GRM8: variants seen among roughly 807,000 people sequenced by gnomAD.
GRM8 encodes the protein glutamate metabotropic receptor 8, also known as metabotropic glutamate receptor 8.
A neutral mutation model predicts 87.2 loss-of-function variants in GRM8; 47 were observed. The ratio of observed to expected loss-of-function variants is 0.54; its 90% CI spans 0.43 to 0.69. The LOEUF is 0.69. GRM8 is among the 30% of genes least tolerant of loss of function. The probability of loss-of-function intolerance (pLI) is 0.00; values close to 1 mark genes in which losing one functional copy is unlikely to be tolerated. For synonymous variants in GRM8, 396 were observed against 404.5 expected, an observed-to-expected ratio of 0.98 and a Z score of 0.25; for missense variants, 1,019 against 1,139.2, an observed-to-expected ratio of 0.89 and a Z score of 1.52.
intron 2 of GRM8, among the ~76,000 whole-genome samples, chr7:127,203,291 A>G: frequency 6.6e-6 from 1 of 152,212 alleles, no homozygotes; most frequent in East Asian, 1.9e-4. Context: ...GGGTGCAGGC[A>G]TAGGGCTGAA....
chr7:127,097,986 C>G (rs1000732581), intron 3 of GRM8, among the ~76,000 whole-genome samples: 1 of 152,198 alleles, frequency 6.6e-6, no homozygotes, highest in Non-Finnish European at 1.5e-5. Flanking sequence ...GGGTGAAGAA[C>G]AGCTTTGAAA....
intron 3 of GRM8, among the ~76,000 whole-genome samples, chr7:127,057,809 C>CAAAA (rs199901156): frequency 7.1e-6 from 1 of 141,404 alleles, no homozygotes; most frequent in Non-Finnish European, 1.6e-5. Flanking sequence ...TCATATCCCA[C>CAAAA]AAAAAAAAAA....
intron 6 of GRM8, among the ~76,000 whole-genome samples, chr7:126,776,336 G>T (rs1819467872): frequency 6.6e-6 from 1 of 152,048 alleles, no homozygotes. Flanking sequence ...GATTAAATAT[G>T]GCAGTAAATG....
chr7:126,895,025 C>T (rs1244419284), intron 6 of GRM8, among the ~76,000 whole-genome samples: 1 of 152,038 alleles, frequency 6.6e-6, no homozygotes, highest in Non-Finnish European at 1.5e-5. Flanking sequence ...GCTTTGCAGA[C>T]TTTGAAGATA....
chr7:127,101,140 A>G (rs898746532), intron 3 of GRM8, among the ~76,000 whole-genome samples: 11 of 152,106 alleles, frequency 7.2e-5, no homozygotes, highest in Non-Finnish European at 1.5e-4. Flanking sequence ...CATACCCTCA[A>G]GCTCTGTGTC....
chr7:126,863,546 A>G (rs923846483), intron 6 of GRM8, among the ~76,000 whole-genome samples: 5 of 152,208 alleles, frequency 3.3e-5, no homozygotes, highest in Admixed American at 2.6e-4. Context: ...TGCTAAGACA[A>G]GCTTAGTCAA....
rs550378317 is a variant in GRM8 at position 127,252,856 on chromosome 7, G to GCGCCGCCGC, written c.-380_-372dup. On this transcript the variant is annotated 5_prime_UTR_variant, in exon 1 of 11. Transcript: ENST00000339582. This position sits in a 1 kb window ranked among gnomAD's most constrained non-coding sequence, Gnocchi z 4.9. ...GCCGGGGGCCCGCAGCTCCATGTCA[G>GCGCCGCCGC]CGCCGCCGCCGCCGCCGCCGCCGCC... The GCGCCGCCGC allele has an allele frequency of 1.8e-4, 39 of 218,132 alleles. 1 individual carries two copies. The highest frequency in any genetic ancestry group is 3.3e-4 in the East Asian group (2 of 6,144). 13.5% of individuals were successfully genotyped at this position (218,132 alleles called of 1,614,324 possible).
rs749405269 is a variant in GRM8, at chr7:127,242,835, T to C, written c.370A>G (p.Ile124Val). Reference protein sequence around the residue: ...EQSLTFVQALIEKDASDVKCA... With the variant: ...EQSLTFVQALVEKDASDVKCA... ...TTCACATCCGAAGCATCTTTCTCTA[T>C]TAATGCCTGCACGAATGTTAGAGAC... Residue 124 changes from isoleucine to valine, a missense_variant, in exon 2 of 11, where the codon ATA becomes GTA. Physicochemically the swap from Ile to Val is conservative, Grantham distance 29. Transcript: ENST00000339582. 53 of 1,614,064 alleles carry C rather than the reference T, an allele frequency of 3.3e-5. No individual in the cohort carries two copies. In the Middle Eastern group the frequency reaches 1.8e-3, roughly 55 times the overall value.
intron 6 of GRM8, among the ~76,000 whole-genome samples, chr7:126,886,325 A>C (rs1361482399): frequency 3.3e-5 from 5 of 152,130 alleles, no homozygotes; most frequent in African/African-American, 9.7e-5. Context: ...CTATTAAATT[A>C]CACTTTTTTA....
intron 6 of GRM8, among the ~76,000 whole-genome samples, chr7:126,798,569 T>C (rs1275409531): frequency 6.6e-6 from 1 of 152,122 alleles, no homozygotes; most frequent in Non-Finnish European, 1.5e-5. Context: ...AGTGGGATAG[T>C]AAAGAGAGTT....
At chr7:126,615,356 C>A (rs934777299) in intron 7 of GRM8, among the ~76,000 whole-genome samples, 48 of 152,200 alleles carry the variant, frequency 3.2e-4, no homozygotes, top group African/African-American at 4.1e-4. Flanking sequence ...GCCTGCCCTA[C>A]AAGAGCTCCT....
intron 6 of GRM8, among the ~76,000 whole-genome samples, chr7:126,837,946 T>C (rs754451897): frequency 6.6e-6 from 1 of 152,180 alleles, no homozygotes; most frequent in Non-Finnish European, 1.5e-5. Context: ...AGACGTGTAG[T>C]GCTTCCCTTA....
At chr7:126,838,092 C>A (rs1290522644) in intron 6 of GRM8, among the ~76,000 whole-genome samples, 1 of 152,116 alleles carries the variant, frequency 6.6e-6, no homozygotes, top group Non-Finnish European at 1.5e-5. Flanking sequence ...ACTACCTGTG[C>A]CCTTAAACAC....
At chr7:126,920,221 A>G (rs1004575986) in intron 3 of GRM8, among the ~76,000 whole-genome samples, 3 of 152,170 alleles carry the variant, frequency 2.0e-5, no homozygotes, top group Admixed American at 6.5e-5. Context: ...TGAAAAACCC[A>G]ACCAGGCTAA....
At chr7:127,127,949 T>C (rs1381591750) in intron 2 of GRM8, among the ~76,000 whole-genome samples, 1 of 152,046 alleles carries the variant, frequency 6.6e-6, no homozygotes, top group Non-Finnish European at 1.5e-5. Context: ...CTATATTCTG[T>C]TTACCTTCAA....
At chr7:126,618,572 C>T (rs1053750849) in intron 7 of GRM8, among the ~76,000 whole-genome samples, 9 of 152,138 alleles carry the variant, frequency 5.9e-5, no homozygotes, top group Non-Finnish European at 1.2e-4. Flanking sequence ...AAAGAAACTA[C>T]CATCAGAGTG....
intron 6 of GRM8, among the ~76,000 whole-genome samples, chr7:126,868,090 G>C (rs1798762334): frequency 6.6e-6 from 1 of 152,188 alleles, no homozygotes; most frequent in Non-Finnish European, 1.5e-5. Context: ...GGTGAGCTGA[G>C]TGCTCTCAGG....
At chr7:126,769,003 G>A (rs1818542023) in intron 7 of GRM8, among the ~76,000 whole-genome samples, 1 of 151,580 alleles carries the variant, frequency 6.6e-6, no homozygotes. Flanking sequence ...TCTGAGAAAC[G>A]CTGGCAACTG....
chr7:126,865,600 T>C (rs549716025), intron 6 of GRM8, among the ~76,000 whole-genome samples: 1 of 152,294 alleles, frequency 6.6e-6, no homozygotes, highest in Non-Finnish European at 1.5e-5. Flanking sequence ...CCCTTCACCA[T>C]CCAACCCTAG....
Sources: allele counts gnomAD v4.1 joint callset (sites outside exome capture counted in the v4.1 genomes callset), GRCh38; gene constraint gnomAD v4.1.1; non-coding constraint Gnocchi (gnomAD v3.1); transcripts MANE v1.5; gene names NCBI Gene and HGNC (gene_info 2026-07-23, HGNC 2026-07-21).